The following ZFHX3 variants were observed in gnomAD, a reference collection of about 807,000 sequenced individuals.
ZFHX3 encodes the protein zinc finger homeobox protein 3.
Under a neutral mutation model 279.1 loss-of-function variants are expected in ZFHX3, and 42 were observed. The observed-to-expected ratio is 0.15, with a 90% CI of 0.12 to 0.19. The LOEUF (loss-of-function observed/expected upper bound fraction) is 0.19. Ranked by LOEUF, ZFHX3 falls within the 10% of genes least tolerant of loss-of-function variation. ZFHX3 has a pLI of 1.00. For missense variants in ZFHX3, 4,981 were observed against 4,754.0 expected, an observed-to-expected ratio of 1.05 and a Z score of -1.40; for synonymous variants, 2,293 against 1,957.8, an observed-to-expected ratio of 1.17 and a Z score of -4.52.
rs1300410996 is a variant in ZFHX3 at position 72,795,689 on chromosome 16, T to A, written c.6993A>T (p.Lys2331Asn). The A allele has an allele frequency of 1.2e-6, 2 of 1,614,032 alleles. No individual in the cohort carries two copies. The highest frequency in any genetic ancestry group is 3.3e-5 in the Admixed American group (2 of 60,012). ...TGCGCTGAAACACCAGGCTACATTTTTTGCACTGGTAGTTCAAGTTGCTTG... is the reference window on the plus strand; with the variant it reads ...TGCGCTGAAACACCAGGCTACATTTATTGCACTGGTAGTTCAAGTTGCTTG... Reference protein sequence around the residue: ...IRTSNLNYQCKKCSLVFQRIF... With the variant: ...IRTSNLNYQCNKCSLVFQRIF... Residue 2331 changes from lysine to asparagine, a missense_variant, in exon 9 of 10, where the codon AAA becomes AAT. Transcript: ENST00000268489.
rs76530370 is a variant in ZFHX3, at chr16:72,884,720, C to T, written c.3448+5011G>A. 6.2e-3 allele frequency among the ~76,000 whole-genome samples: 942 copies of T among 152,310 alleles called. 13 individuals carry two copies. Among genetic ancestry groups the T allele is most frequent in the African/African-American group, 0.022 (905 of 41,572 alleles). ...GCACTTGATAGAATGAAGTTAACTA[C>T]AGTTTCACCCAGGAGCCAGAAATGC... On this transcript the variant is annotated intron_variant, in intron 4 of 9. Transcript: ENST00000268489.
rs11347779 is a variant in ZFHX3 at position 73,473,339 on chromosome 16, CAAAAAA to C, written c.-1546-17087_-1546-17082del. Among the ~76,000 whole-genome samples the C allele has an allele frequency of 1.6e-3, 119 of 76,668 alleles. 1 individual carries two copies. The highest frequency in any genetic ancestry group is 6.8e-3 in the African/African-American group (116 of 17,050). The allele number at this position is 76,668 out of a possible 152,430, so 50.3% of individuals were successfully genotyped here. A position where few individuals can be genotyped will look rare whatever the true frequency, so the allele number is the denominator to read the frequency against. On this transcript the variant is annotated intron_variant, in intron 2 of 17. Coordinates refer to the ZFHX3 transcript ENST00000641206. Reference sequence around the variant, plus strand: ...GAGACAGAGCGAGACTGTCTCAAAGCAAAAAAAAAAAAAAAAAACAAAAAAAAAAAA... The same window carrying C: ...GAGACAGAGCGAGACTGTCTCAAAGCAAAAAAAAAAAACAAAAAAAAAAAA...
chr16:73,785,299 GCT>G (rs758479478), intron 1 of ZFHX3, among the ~76,000 whole-genome samples: 1 of 151,990 alleles, frequency 6.6e-6, no homozygotes, highest in African/African-American at 2.4e-5. Flanking sequence ...TTTTCTGTCT[GCT>G]CTGTTTTCTA....
chr16:73,157,100 G>A (rs1197734144), intron 5 of ZFHX3, among the ~76,000 whole-genome samples: 1 of 152,052 alleles, frequency 6.6e-6, no homozygotes, highest in Non-Finnish European at 1.5e-5. Flanking sequence ...GCACTCAGAT[G>A]TGCCTGCCTC....
At chr16:72,909,625 C>T (rs188670289) in intron 3 of ZFHX3, among the ~76,000 whole-genome samples, 1 of 152,086 alleles carries the variant, frequency 6.6e-6, no homozygotes, top group Admixed American at 6.5e-5. Flanking sequence ...CGGTATAATC[C>T]CAGCACTTTG....
chr16:73,540,112 T>A (rs1162500128), intron 2 of ZFHX3, among the ~76,000 whole-genome samples: 1 of 152,212 alleles, frequency 6.6e-6, no homozygotes, highest in Non-Finnish European at 1.5e-5. Context: ...TCATAATGTT[T>A]CATGAAGACA....
At chr16:72,902,293 A>C (rs2039057659) in intron 3 of ZFHX3, among the ~76,000 whole-genome samples, 2 of 152,224 alleles carry the variant, frequency 1.3e-5, no homozygotes, top group South Asian at 4.1e-4. Flanking sequence ...AGGTCTGATC[A>C]ATCTGTCAAG....
chr16:73,131,683 A>G (rs1305649368), intron 6 of ZFHX3, among the ~76,000 whole-genome samples: 1 of 152,202 alleles, frequency 6.6e-6, no homozygotes, highest in Non-Finnish European at 1.5e-5. Flanking sequence ...GGGCCAGTAC[A>G]AGATCTGATT....
intron 3 of ZFHX3, among the ~76,000 whole-genome samples, chr16:72,901,594 G>C (rs760076912): frequency 6.6e-6 from 1 of 152,170 alleles, no homozygotes; most frequent in Non-Finnish European, 1.5e-5. Context: ...AACACTTCTG[G>C]CGTCGATCAC....
At position 73,736,812 on chromosome 16, in the gene ZFHX3, A is replaced by C. The variant is rs576943443; in HGVS notation, c.-1607-56572T>G. ...GGGAAGACAGTTGGCCATCTTTAGC[A>C]GGCACCAACCCAAACAGGGGTATTG... is the stretch of plus-strand genomic sequence containing the variant. On this transcript the variant is annotated intron_variant, in intron 1 of 17. Transcript: ENST00000641206. Among the ~76,000 whole-genome samples, 9 of 152,332 alleles carry C rather than the reference A, an allele frequency of 5.9e-5. No individual in the cohort carries two copies. In the East Asian group the frequency reaches 1.2e-3, roughly 20 times the overall value.
At chr16:73,399,519 A>T (rs113681246) in intron 3 of ZFHX3, among the ~76,000 whole-genome samples, 29 of 152,256 alleles carry the variant, frequency 1.9e-4, no homozygotes, top group African/African-American at 6.7e-4. Flanking sequence ...TCTCTCTACC[A>T]CACCTATTTC....
At chr16:73,593,277 C>T (rs1334620677) in intron 2 of ZFHX3, among the ~76,000 whole-genome samples, 1 of 151,862 alleles carries the variant, frequency 6.6e-6, no homozygotes, top group Admixed American at 6.6e-5. Flanking sequence ...TTTCATGAGG[C>T]TAGCAAAACC....
At chr16:73,727,522 T>A (rs1492562) in intron 1 of ZFHX3, among the ~76,000 whole-genome samples, 12,222 of 152,220 alleles carry the variant, frequency 0.08, 563 homozygotes, top group African/African-American at 0.1. Flanking sequence ...CAAGTTTTGA[T>A]TTTTCTTCTA....
chr16:73,164,045 C>T (rs866736608), intron 5 of ZFHX3, among the ~76,000 whole-genome samples: 5 of 152,224 alleles, frequency 3.3e-5, no homozygotes, highest in Middle Eastern at 6.8e-3. Context: ...GCTGCTGAGC[C>T]GATCCTGCAA....
intron 1 of ZFHX3, among the ~76,000 whole-genome samples, chr16:73,772,998 T>C (rs1449558913): frequency 6.6e-6 from 1 of 152,210 alleles, no homozygotes; most frequent in Non-Finnish European, 1.5e-5. Flanking sequence ...GGCTGTGTCA[T>C]GCTATCCTAG....
intron 5 of ZFHX3, among the ~76,000 whole-genome samples, chr16:73,148,135 T>C (rs1966876130): frequency 6.6e-6 from 1 of 152,192 alleles, no homozygotes; most frequent in African/African-American, 2.4e-5. Context: ...CATTTATGTA[T>C]TGTCTATGAT....
At chr16:73,536,739 C>G (rs1436478043) in intron 2 of ZFHX3, among the ~76,000 whole-genome samples, 4 of 152,274 alleles carry the variant, frequency 2.6e-5, no homozygotes, top group Middle Eastern at 6.8e-3. Flanking sequence ...GAGGTTTTCT[C>G]CGTCTCACTC....
Position 72,797,067 on chromosome 16 carries a change from T to C in ZFHX3, c.5615A>G (p.Gln1872Arg), listed in dbSNP as rs1230960618. Residue 1872 changes from glutamine (Q) to arginine (R), a missense_variant, in exon 9 of 10, where the codon CAG (glutamine) becomes CGG (arginine). This residue lies in a region of ZFHX3 where 1,751 missense variants were observed against 1,770.0 expected (regional missense o/e 0.99). Transcript: ENST00000268489. ...CAATTTGTTCTTCTTTTCGGGGTGC[T>C]GGCTTGGCTGAAGGAGGGCAGAGTG... ...QSHSALLQPS[Q>R]HPEKKNKLVI... The C allele has an allele frequency of 1.2e-6, 2 of 1,614,098 alleles. No homozygotes were observed. Among genetic ancestry groups the C allele is most frequent in the South Asian group, 1.1e-5 (1 of 91,078 alleles).
chr16:73,747,119 G>C (rs991639975), intron 1 of ZFHX3, among the ~76,000 whole-genome samples: 1 of 152,240 alleles, frequency 6.6e-6, no homozygotes, highest in Middle Eastern at 3.4e-3. Flanking sequence ...GTGAGTGCAA[G>C]GGCTCACACT....
Sources: gnomAD v4.1 joint callset for allele counts (sites outside exome capture counted in the v4.1 genomes callset) on GRCh38, gnomAD v4.1.1 for gene constraint, gnomAD v4.1.1 regional missense constraint, MANE v1.5 for transcripts, NCBI Gene and HGNC (gene_info 2026-07-23, HGNC 2026-07-21) for gene names.